SPAG16: variants seen among roughly 807,000 people sequenced by gnomAD.
SPAG16 encodes the protein sperm associated antigen 16.
In SPAG16, 86 loss-of-function variants were observed where a neutral mutation model predicts 80.4. The ratio of observed to expected loss-of-function variants is 1.07; its 90% CI spans 0.90 to 1.28. The LOEUF (loss-of-function observed/expected upper bound fraction) is 1.28, where lower values mean the gene tolerates loss of function less well. Among genes scored for constraint, SPAG16 ranks in the 50% most tolerant of loss-of-function variants. The probability of loss-of-function intolerance (pLI) is 0.00; values close to 1 mark genes in which losing one functional copy is unlikely to be tolerated. For missense variants in SPAG16, 870 were observed against 765.3 expected (o/e 1.14, Z -1.61); for synonymous variants, 294 against 265.9 (o/e 1.11, Z -1.03).
intron 10 of SPAG16, among the ~76,000 whole-genome samples, chr2:213,575,166 G>A (rs149317272): frequency 2.9e-4 from 44 of 152,106 alleles, no homozygotes; most frequent in African/African-American, 8.0e-4. Context: ...TGAGTGAGGA[G>A]ATGAGACTAG....
chr2:213,350,557 C>T lies in SPAG16; in HGVS notation c.674C>T (p.Pro225Leu), dbSNP rs183276485. 80 of 1,575,412 alleles carry T rather than the reference C, an allele frequency of 5.1e-5. No individual in the cohort carries two copies. The East Asian group carries it at 6.9e-4, about 14-fold the overall frequency. Residue 225 changes from proline to leucine, a missense_variant, in exon 7 of 16, where the codon CCG becomes CTG. Physicochemically the swap from Pro to Leu is moderately conservative, Grantham distance 98. Transcript: ENST00000331683. ...GLKLHYASYE[P>L]TIRVLHEKHH... ...AAGTTACATTATGCATCTTATGAACCGACTATAAGGGTGTTACATGAGAAA... is the reference window on the plus strand; with the variant it reads ...AAGTTACATTATGCATCTTATGAACTGACTATAAGGGTGTTACATGAGAAA...
At chr2:213,648,076 C>T (rs2062886913) in intron 10 of SPAG16, among the ~76,000 whole-genome samples, 1 of 152,108 alleles carries the variant, frequency 6.6e-6, no homozygotes, top group Admixed American at 6.5e-5. Flanking sequence ...ATTATAAGAA[C>T]TTTGTATTTA....
At chr2:213,949,158 T>C (rs1240689999) in intron 12 of SPAG16, among the ~76,000 whole-genome samples, 1 of 149,658 alleles carries the variant, frequency 6.7e-6, no homozygotes, top group African/African-American at 2.5e-5. Context: ...AGACACTACT[T>C]AATTACAACA....
intron 10 of SPAG16, among the ~76,000 whole-genome samples, chr2:213,687,693 T>C (rs1407104116): frequency 1.3e-5 from 2 of 152,216 alleles, no homozygotes; most frequent in African/African-American, 2.4e-5. Context: ...ATTTTATCAC[T>C]GATTCTGAGC....
intron 5 of SPAG16, among the ~76,000 whole-genome samples, chr2:213,321,963 G>T (rs1365499856): frequency 6.6e-6 from 1 of 151,982 alleles, no homozygotes; most frequent in African/African-American, 2.4e-5. Context: ...TGCACTTAAA[G>T]CAGGTGACCA....
At chr2:214,200,015 T>G (rs116822560) in intron 15 of SPAG16, among the ~76,000 whole-genome samples, 1,748 of 152,086 alleles carry the variant, frequency 0.011, 27 homozygotes, top group South Asian at 0.071. Context: ...GTTTTTAGGG[T>G]TTGCTAGGTA....
intron 10 of SPAG16, among the ~76,000 whole-genome samples, chr2:213,529,776 G>C (rs2076007651): frequency 6.6e-6 from 1 of 152,198 alleles, no homozygotes; most frequent in African/African-American, 2.4e-5. Context: ...TACCTGTGCA[G>C]ATCACTTCCC....
chr2:213,690,165 A>C (rs1222818811), intron 10 of SPAG16, among the ~76,000 whole-genome samples: 1 of 152,062 alleles, frequency 6.6e-6, no homozygotes, highest in Non-Finnish European at 1.5e-5. Flanking sequence ...CTTTCTTCAG[A>C]TATTTGCCTC....
intron 4 of SPAG16, among the ~76,000 whole-genome samples, chr2:213,311,273 A>G (rs951956900): frequency 6.6e-6 from 1 of 151,726 alleles, no homozygotes; most frequent in Non-Finnish European, 1.5e-5. Context: ...CAAATGTACT[A>G]GAAAATATAT....
chr2:213,295,832 A>G (rs1171414270), intron 1 of SPAG16, among the ~76,000 whole-genome samples: 2 of 152,146 alleles, frequency 1.3e-5, no homozygotes. Context: ...ACAGATAGCA[A>G]TGTAGGTTTT....
intron 10 of SPAG16, among the ~76,000 whole-genome samples, chr2:213,491,252 C>T (rs746038132): frequency 4.6e-5 from 7 of 152,120 alleles, no homozygotes; most frequent in East Asian, 3.8e-4. Context: ...GATGTAAGGT[C>T]GTGACTTTTT....
chr2:214,265,404 T>C (rs191984679), intron 15 of SPAG16, among the ~76,000 whole-genome samples: 1 of 152,248 alleles, frequency 6.6e-6, no homozygotes, highest in East Asian at 1.9e-4. Flanking sequence ...GTGTATCTTC[T>C]TTGATGGTGT....
intron 10 of SPAG16, among the ~76,000 whole-genome samples, chr2:213,724,417 C>G (rs1467976247): frequency 6.6e-6 from 1 of 151,968 alleles, no homozygotes; most frequent in African/African-American, 2.4e-5. Context: ...GTGAGGGAGA[C>G]AATATTTAAA....
intron 14 of SPAG16, among the ~76,000 whole-genome samples, chr2:214,129,380 C>T (rs2054650554): frequency 6.6e-6 from 1 of 152,100 alleles, no homozygotes; most frequent in Non-Finnish European, 1.5e-5. Flanking sequence ...ATGATTATTG[C>T]CCTTTGTTAC....
intron 10 of SPAG16, among the ~76,000 whole-genome samples, chr2:213,542,979 A>G (rs1450234328): frequency 6.6e-6 from 1 of 152,122 alleles, no homozygotes; most frequent in Admixed American, 6.5e-5. Context: ...AAGTTGGTAG[A>G]TATCCAGCCA....
intron 13 of SPAG16, among the ~76,000 whole-genome samples, chr2:214,024,295 T>C (rs1361435250): frequency 1.3e-5 from 2 of 151,656 alleles, no homozygotes; most frequent in East Asian, 3.9e-4. Flanking sequence ...TCCACGTGCT[T>C]ACCCAACTGA....
chr2:213,366,861 A>C (rs1421018535), intron 8 of SPAG16, among the ~76,000 whole-genome samples: 1 of 152,120 alleles, frequency 6.6e-6, no homozygotes, highest in Non-Finnish European at 1.5e-5. Context: ...ATACGTATAC[A>C]TGTGCCATAT....
At chr2:213,599,746 T>C (rs560721635) in intron 10 of SPAG16, among the ~76,000 whole-genome samples, 4 of 152,256 alleles carry the variant, frequency 2.6e-5, no homozygotes, top group Admixed American at 2.0e-4. Flanking sequence ...CTGTCACCCA[T>C]ACTAGAGTGC....
chr2:213,667,206 G>C (rs1307366285), intron 10 of SPAG16, among the ~76,000 whole-genome samples: 1 of 152,114 alleles, frequency 6.6e-6, no homozygotes, highest in Non-Finnish European at 1.5e-5. Flanking sequence ...GGAACCATGA[G>C]AACATATGAC....
Sources: allele counts gnomAD v4.1 joint callset (sites outside exome capture counted in the v4.1 genomes callset), GRCh38; gene constraint gnomAD v4.1.1; transcripts MANE v1.5; gene names NCBI Gene and HGNC (gene_info 2026-07-23, HGNC 2026-07-21).